TPD52L1: variants seen among roughly 807,000 people sequenced by gnomAD.
TPD52L1 encodes TPD52 like 1, also known as tumor protein D53.
TPD52L1 carries 18 observed loss-of-function variants against 28.7 expected under a neutral mutation model. The observed-to-expected ratio is 0.63, with a 90% CI of 0.43 to 0.93. TPD52L1 has a LOEUF of 0.93. Among genes scored for constraint, TPD52L1 ranks in the 40% least tolerant of loss-of-function variants. TPD52L1 has a pLI of 0.00. For synonymous variants in TPD52L1, 75 were observed against 88.8 expected (o/e 0.84, Z 0.88); for missense variants, 203 against 254.8 (o/e 0.80, Z 1.39).
At chr6:125,261,171 G>A (rs1798034626) in intron 6 of TPD52L1, 1 of 152,084 alleles carries the variant, frequency 6.6e-6, no homozygotes. Flanking sequence ...CAAGCCTAAA[G>A]TATTTACTGT....
chr6:125,189,244 C>T (rs887565271), intron 1 of TPD52L1, among the ~76,000 whole-genome samples: 3 of 152,106 alleles, frequency 2.0e-5, no homozygotes, highest in Admixed American at 2.0e-4. Context: ...AATAATAACC[C>T]CAGTTGGGCA....
chr6:125,232,450 A>G (rs545122321), intron 3 of TPD52L1, among the ~76,000 whole-genome samples: 43 of 152,176 alleles, frequency 2.8e-4, no homozygotes, highest in African/African-American at 9.9e-4. Context: ...TACCCATTCC[A>G]GGACAAAATC....
chr6:125,232,347 G>A (rs974900988), intron 3 of TPD52L1, among the ~76,000 whole-genome samples: 1 of 152,128 alleles, frequency 6.6e-6, no homozygotes, highest in Non-Finnish European at 1.5e-5. Context: ...GTTGTTGAGG[G>A]AAGGCAGCGG....
At chr6:125,255,669 T>C (rs1211106267) in intron 5 of TPD52L1, among the ~76,000 whole-genome samples, 1 of 152,180 alleles carries the variant, frequency 6.6e-6, no homozygotes, top group African/African-American at 2.4e-5. Context: ...CTGCACCACA[T>C]AATGAAACCT....
In TPD52L1 at chr6:125,247,648, T is replaced by C. The variant is rs545965353; in HGVS notation, c.285-634T>C. Among the ~76,000 whole-genome samples, 5 of 152,206 alleles carry C rather than the reference T, an allele frequency of 3.3e-5. No individual in the cohort carries two copies. In the South Asian group the frequency reaches 6.2e-4, roughly 19 times the overall value. ...TTGTCAGAGACCAGGGACACAAAGA[T>C]GAATGGCTTCCTTGCCCTCAAGTAG... On this transcript the variant is annotated intron_variant, in intron 3 of 6. Coordinates refer to ENST00000534000, the MANE Select transcript of TPD52L1 (RefSeq NM_003287.4).
At chr6:125,154,215 C>A in intron 1 of TPD52L1, 1 of 1,346,598 alleles carries the variant, frequency 7.4e-7, no homozygotes, top group Non-Finnish European at 9.5e-7. Flanking sequence ...AGGAAATGCG[C>A]CCGTGGAATG....
intron 2 of TPD52L1, among the ~76,000 whole-genome samples, chr6:125,227,370 G>A (rs1219109464): frequency 6.6e-6 from 1 of 152,188 alleles, no homozygotes; most frequent in Non-Finnish European, 1.5e-5. Flanking sequence ...TTTTGCAAAG[G>A]CAGATGCCCT....
chr6:125,197,222 C>T (rs1250198035), intron 1 of TPD52L1, among the ~76,000 whole-genome samples: 1 of 152,184 alleles, frequency 6.6e-6, no homozygotes, highest in Non-Finnish European at 1.5e-5. Context: ...AGAGATGTCC[C>T]TTTTCCAGAT....
intron 3 of TPD52L1, among the ~76,000 whole-genome samples, chr6:125,244,623 C>T (rs1235732663): frequency 6.6e-6 from 1 of 152,150 alleles, no homozygotes; most frequent in African/African-American, 2.4e-5. Context: ...GAGTGTGTTC[C>T]TCCTGTGGGG....
At chr6:125,184,867 G>A (rs1792485846) in intron 1 of TPD52L1, among the ~76,000 whole-genome samples, 2 of 151,872 alleles carry the variant, frequency 1.3e-5, no homozygotes, top group South Asian at 4.2e-4. Flanking sequence ...AAAAAATCAA[G>A]TGCACCATTG....
At chr6:125,235,997 G>A (rs1467596184) in intron 3 of TPD52L1, among the ~76,000 whole-genome samples, 3 of 152,158 alleles carry the variant, frequency 2.0e-5, no homozygotes, top group African/African-American at 2.4e-5. Context: ...CACTGGTACT[G>A]TAGAAAGCTG....
intron 1 of TPD52L1, among the ~76,000 whole-genome samples, chr6:125,171,699 C>T (rs1157825066): frequency 1.3e-5 from 2 of 152,156 alleles, no homozygotes; most frequent in East Asian, 3.8e-4. Flanking sequence ...AAACAGTTCT[C>T]CTCTGGTCCA....
chr6:125,234,602 G>A (rs997351998), intron 3 of TPD52L1, among the ~76,000 whole-genome samples: 7 of 152,164 alleles, frequency 4.6e-5, no homozygotes, highest in Non-Finnish European at 7.4e-5. Context: ...TTAGCTTAAA[G>A]TAAGAGACCT....
chr6:125,196,227 G>T (rs1793433535), intron 1 of TPD52L1, among the ~76,000 whole-genome samples: 1 of 152,148 alleles, frequency 6.6e-6, no homozygotes, highest in South Asian at 2.1e-4. Context: ...TTCCAAAGTT[G>T]TAGCTGTTTT....
At chr6:125,242,525 C>T (rs1282954505) in intron 3 of TPD52L1, among the ~76,000 whole-genome samples, 1 of 152,036 alleles carries the variant, frequency 6.6e-6, no homozygotes, top group African/African-American at 2.4e-5. Flanking sequence ...TTGGACTAAT[C>T]CTTTCATCAT....
chr6:125,185,930 G>A (rs1409793531), intron 1 of TPD52L1, among the ~76,000 whole-genome samples: 2 of 128,214 alleles, frequency 1.6e-5, no homozygotes. Flanking sequence ...GTCTCACTCT[G>A]TCGCCCCAGC....
chr6:125,170,420 A>T (rs1791218779), intron 1 of TPD52L1, among the ~76,000 whole-genome samples: 1 of 151,538 alleles, frequency 6.6e-6, no homozygotes, highest in African/African-American at 2.4e-5. Context: ...TTAGGGGCAG[A>T]TTTATTTACT....
chr6:125,156,455 C>T (rs1426788546), intron 1 of TPD52L1, among the ~76,000 whole-genome samples: 10 of 83,506 alleles, frequency 1.2e-4, no homozygotes, highest in African/African-American at 5.0e-4. Flanking sequence ...AAGAGTGAGA[C>T]CTTGTCTCAA....
At chr6:125,260,050 G>A (rs752951532) in intron 6 of TPD52L1, 9 of 152,050 alleles carry the variant, frequency 5.9e-5, no homozygotes, top group Admixed American at 2.0e-4. Flanking sequence ...CTGTTTAGAG[G>A]AAATCAAGAA....
Sources: allele counts gnomAD v4.1 joint callset (sites outside exome capture counted in the v4.1 genomes callset), GRCh38; gene constraint gnomAD v4.1.1; transcripts MANE v1.5; gene names NCBI Gene and HGNC (gene_info 2026-07-23, HGNC 2026-07-21).